LRRC1: variants seen among roughly 807,000 people sequenced by gnomAD.
LRRC1 encodes the protein leucine-rich repeat-containing protein 1.
Under a neutral mutation model 69.9 loss-of-function variants are expected in LRRC1, and 28 were observed. That is an observed-to-expected ratio of 0.40 (90% CI 0.30 to 0.55). The LOEUF is 0.55. Among genes scored for constraint, LRRC1 ranks in the 20% least tolerant of loss-of-function variants. The pLI is 0.47. For missense variants in LRRC1, 498 were observed against 609.0 expected, an observed-to-expected ratio of 0.82 and a Z score of 1.92; for synonymous variants, 236 against 240.2, an observed-to-expected ratio of 0.98 and a Z score of 0.16.
intron 4 of LRRC1, among the ~76,000 whole-genome samples, chr6:53,887,092 G>A (rs1469872911): frequency 6.6e-6 from 1 of 152,044 alleles, no homozygotes; most frequent in African/African-American, 2.4e-5. Context: ...GAAGATTTAT[G>A]CTAGGACCAC....
chr6:53,886,801 A>C (rs1767496647), intron 4 of LRRC1, among the ~76,000 whole-genome samples: 1 of 152,170 alleles, frequency 6.6e-6, no homozygotes, highest in Non-Finnish European at 1.5e-5. Context: ...CCAGACTTGC[A>C]GGTTGTACTC....
intron 9 of LRRC1, among the ~76,000 whole-genome samples, chr6:53,903,577 G>C (rs76773478): frequency 1.1e-5 from 1 of 93,604 alleles, no homozygotes; most frequent in Non-Finnish European, 2.3e-5. Flanking sequence ...TTTCCTTTTC[G>C]CTTTTCCTTT....
intron 1 of LRRC1, among the ~76,000 whole-genome samples, chr6:53,809,968 C>T (rs1764745571): frequency 6.6e-6 from 1 of 152,244 alleles, no homozygotes; most frequent in Non-Finnish European, 1.5e-5. Flanking sequence ...TAGATAGAGT[C>T]ACAGGCCAGC....
chr6:53,851,251 A>G (rs947147953), intron 2 of LRRC1, among the ~76,000 whole-genome samples: 18 of 151,520 alleles, frequency 1.2e-4, no homozygotes, highest in Non-Finnish European at 2.1e-4. Context: ...ATCTATTCCT[A>G]ATCTCTCTCT....
At chr6:53,874,754 C>CTT (rs1767010341) in intron 2 of LRRC1, among the ~76,000 whole-genome samples, 1 of 152,122 alleles carries the variant, frequency 6.6e-6, no homozygotes, top group Non-Finnish European at 1.5e-5. Context: ...AGAAATCTTT[C>CTT]TATTTTAGCC....
intron 1 of LRRC1, among the ~76,000 whole-genome samples, chr6:53,830,164 C>T (rs1765386642): frequency 6.6e-6 from 1 of 152,212 alleles, no homozygotes; most frequent in Non-Finnish European, 1.5e-5. Context: ...TTATATTAGA[C>T]GAAGGCCAGG....
intron 2 of LRRC1, among the ~76,000 whole-genome samples, chr6:53,849,859 A>G (rs1474147500): frequency 2.0e-5 from 3 of 152,176 alleles, no homozygotes; most frequent in African/African-American, 2.4e-5. Flanking sequence ...TGGGAGGCCA[A>G]TTTGAGAGGA....
chr6:53,911,870 T>C (rs1768422686), intron 10 of LRRC1, among the ~76,000 whole-genome samples: 2 of 152,180 alleles, frequency 1.3e-5, no homozygotes, highest in South Asian at 4.1e-4. Context: ...GGCACCTAGG[T>C]AGAATTGTTG....
At chr6:53,876,639 C>T (rs1330997152) in intron 2 of LRRC1, among the ~76,000 whole-genome samples, 1 of 152,184 alleles carries the variant, frequency 6.6e-6, no homozygotes, top group Non-Finnish European at 1.5e-5. Flanking sequence ...AACAAAGGAG[C>T]TGCAGGCCCC....
At chr6:53,891,548 A>G (rs936475823) in intron 4 of LRRC1, among the ~76,000 whole-genome samples, 21 of 152,078 alleles carry the variant, frequency 1.4e-4, no homozygotes, top group African/African-American at 4.6e-4. Context: ...GAGAGAGACT[A>G]TATACATTCA....
intron 1 of LRRC1, among the ~76,000 whole-genome samples, chr6:53,827,812 C>T (rs921536385): frequency 2.6e-5 from 4 of 152,152 alleles, no homozygotes; most frequent in South Asian, 2.1e-4. Flanking sequence ...AATGATTGCT[C>T]ACTGGGCAGT....
chr6:53,869,561 T>C (rs566162859), intron 2 of LRRC1, among the ~76,000 whole-genome samples: 17 of 152,290 alleles, frequency 1.1e-4, no homozygotes, highest in African/African-American at 4.1e-4. Context: ...CCACATGAAA[T>C]AACAATGTTC....
At chr6:53,863,019 C>T (rs775220746) in intron 2 of LRRC1, among the ~76,000 whole-genome samples, 3 of 152,116 alleles carry the variant, frequency 2.0e-5, no homozygotes, top group Non-Finnish European at 4.4e-5. Flanking sequence ...TTGTTTTATC[C>T]TAGTAGTAAA....
At chr6:53,852,835 G>T (rs1766182860) in intron 2 of LRRC1, among the ~76,000 whole-genome samples, 1 of 152,198 alleles carries the variant, frequency 6.6e-6, no homozygotes. Flanking sequence ...ACCACCTGTA[G>T]AAATGGCCAA....
intron 4 of LRRC1, chr6:53,883,857 C>G: frequency 1.4e-6 from 1 of 712,876 alleles, no homozygotes; most frequent in Non-Finnish European, 2.6e-6. Context: ...CAGTTGAGCA[C>G]AGTCTGACAT....
chr6:53,801,145 G>A (rs1266889660), intron 1 of LRRC1, among the ~76,000 whole-genome samples: 4 of 152,306 alleles, frequency 2.6e-5, no homozygotes, highest in Non-Finnish European at 4.4e-5. Context: ...AAGGTTTCAT[G>A]GCAATTTGTT....
intron 1 of LRRC1, among the ~76,000 whole-genome samples, chr6:53,805,964 C>T (rs1275688899): frequency 6.6e-6 from 1 of 152,232 alleles, no homozygotes; most frequent in Non-Finnish European, 1.5e-5. Flanking sequence ...TGTGTTTCAG[C>T]CCCAGTTAGC....
At chr6:53,840,986 G>A (rs1765770997) in intron 1 of LRRC1, among the ~76,000 whole-genome samples, 1 of 151,786 alleles carries the variant, frequency 6.6e-6, no homozygotes, top group Non-Finnish European at 1.5e-5. Flanking sequence ...AGGTGGGCCT[G>A]TTTGGAAGCT....
intron 1 of LRRC1, among the ~76,000 whole-genome samples, chr6:53,821,803 C>T (rs1221900333): frequency 6.6e-6 from 1 of 151,654 alleles, no homozygotes; most frequent in Non-Finnish European, 1.5e-5. Context: ...GGACCATTTA[C>T]AGATGCAACA....
Sources: allele counts gnomAD v4.1 joint callset (sites outside exome capture counted in the v4.1 genomes callset), GRCh38; gene constraint gnomAD v4.1.1; transcripts MANE v1.5; gene names NCBI Gene and HGNC (gene_info 2026-07-23, HGNC 2026-07-21).